EHD3: variants seen among roughly 807,000 people sequenced by gnomAD.
The protein encoded by EHD3 is EH domain containing 3.
In EHD3, 17 loss-of-function variants were observed where a neutral mutation model predicts 43.0. The observed-to-expected ratio is 0.40, with a 90% CI of 0.27 to 0.59. The LOEUF is 0.59. Among genes scored for constraint, EHD3 ranks in the 20% least tolerant of loss-of-function variants. The pLI, the probability that EHD3 is intolerant of heterozygous loss-of-function variation, is 0.49. For missense variants in EHD3, 594 were observed against 705.6 expected (o/e 0.84, Z 1.79); for synonymous variants, 313 against 289.5 (o/e 1.08, Z -0.82).
At chr2:31,247,764 C>T (rs1000933411) in intron 2 of EHD3, among the ~76,000 whole-genome samples, 11 of 152,144 alleles carry the variant, frequency 7.2e-5, no homozygotes, top group African/African-American at 2.2e-4. Context: ...GCAGGCCTGA[C>T]GAGGCCTTTG....
intron 3 of EHD3, among the ~76,000 whole-genome samples, chr2:31,258,975 T>A (rs72861152): frequency 6.6e-6 from 1 of 152,222 alleles, no homozygotes; most frequent in Non-Finnish European, 1.5e-5. Flanking sequence ...TAAGTCTGAC[T>A]CACTCACAAG....
chr2:31,266,797 C>T lies in EHD3; in HGVS notation c.*93C>T, dbSNP rs546891895. ...ACACACACACACACACACACACAAACATGCACACACACATATGCATATCTT... is the reference window on the plus strand; with the variant it reads ...ACACACACACACACACACACACAAATATGCACACACACATATGCATATCTT... On this transcript the variant is annotated 3_prime_UTR_variant, in exon 6 of 6. Transcript: ENST00000322054. This position sits in a 1 kb window ranked among gnomAD's most constrained non-coding sequence, Gnocchi z 5.1. 1.2e-3 allele frequency: 1,562 copies of T among 1,323,960 alleles called. 12 individuals carry two copies. In the African/African-American group the frequency reaches 0.019, roughly 16 times the overall value. 82.0% of individuals were successfully genotyped at this position (1,323,960 alleles called of 1,614,324 possible). A position where few individuals can be genotyped will look rare whatever the true frequency, so the allele number is the denominator to read the frequency against.
chr2:31,235,269 G>A (rs2148714246), intron 1 of EHD3, among the ~76,000 whole-genome samples: 1 of 152,160 alleles, frequency 6.6e-6, no homozygotes, highest in South Asian at 2.1e-4. Context: ...TGTTTTTCAA[G>A]GGGCTTGGCA....
intron 1 of EHD3, among the ~76,000 whole-genome samples, chr2:31,235,788 G>A (rs1034446244): frequency 1.3e-5 from 2 of 152,166 alleles, no homozygotes; most frequent in Non-Finnish European, 2.9e-5. Context: ...GTCCACCAGA[G>A]GCCCTTCTTA....
At chr2:31,261,025 G>C in intron 4 of EHD3, 103 bp downstream of exon 4, 15 of 1,289,474 alleles carry the variant, frequency 1.2e-5, no homozygotes, top group Non-Finnish European at 1.6e-5. Flanking sequence ...AGTGCATCAT[G>C]TGTGTGACAC....
chr2:31,235,107 A>T (rs1230789416), intron 1 of EHD3, among the ~76,000 whole-genome samples: 2 of 152,120 alleles, frequency 1.3e-5, no homozygotes, highest in Non-Finnish European at 2.9e-5. Flanking sequence ...GTGTAAAGCC[A>T]TTCCCAGTCT....
chr2:31,255,283 GC>G (rs1418173442), intron 3 of EHD3, among the ~76,000 whole-genome samples: 2 of 152,190 alleles, frequency 1.3e-5, no homozygotes, highest in Non-Finnish European at 2.9e-5. Context: ...TGCCGCAGGT[GC>G]CCAAGAGCTA....
intron 1 of EHD3, among the ~76,000 whole-genome samples, chr2:31,239,915 A>G (rs1683387328): frequency 6.6e-6 from 1 of 151,974 alleles, no homozygotes; most frequent in Admixed American, 6.5e-5. Context: ...CACGAAGGGG[A>G]GGGCTGGAGA....
chr2:31,245,123 T>G (rs1486154562), intron 2 of EHD3, among the ~76,000 whole-genome samples: 2 of 152,212 alleles, frequency 1.3e-5, no homozygotes, highest in Non-Finnish European at 1.5e-5. Flanking sequence ...CAGTTTCACA[T>G]GTGCATGGTA....
chr2:31,252,885 T>G (rs1683664825), intron 3 of EHD3, among the ~76,000 whole-genome samples: 1 of 152,134 alleles, frequency 6.6e-6, no homozygotes, highest in Non-Finnish European at 1.5e-5. Context: ...ATGCAGCTGC[T>G]GGCAAAAGCA....
intron 1 of EHD3, among the ~76,000 whole-genome samples, chr2:31,239,278 G>A (rs1275837586): frequency 6.6e-6 from 1 of 152,174 alleles, no homozygotes; most frequent in Admixed American, 6.5e-5. Context: ...CATAGCCCCT[G>A]CACCACCTTC....
chr2:31,252,499 G>A (rs186418889), intron 3 of EHD3, among the ~76,000 whole-genome samples: 3 of 152,194 alleles, frequency 2.0e-5, no homozygotes, highest in East Asian at 1.9e-4. Flanking sequence ...GTTTTGAGAC[G>A]GAGTCTCGCT....
Position 31,252,478 on chromosome 2 carries a change from CTGT to C in EHD3, c.502+3021_502+3023del, listed in dbSNP as rs1330497913. The stretch of plus-strand genomic sequence containing the variant: ...GTTTTTGTTGTTGTTGTTGTTGTTG[CTGT>C]TGTTGTTGTTTTGAGACGGAGTCTC... On this transcript the variant is annotated intron_variant, in intron 3 of 5. Transcript: ENST00000322054. Among the ~76,000 whole-genome samples the C allele has an allele frequency of 6.6e-5, 10 of 151,926 alleles. 1 individual carries two copies. The highest frequency in any genetic ancestry group is 1.3e-4 in the Non-Finnish European group (9 of 67,992).
intron 3 of EHD3, 53 bp downstream of exon 3, chr2:31,249,521 T>C (rs1683593681): frequency 6.5e-7 from 1 of 1,542,988 alleles, no homozygotes; most frequent in African/African-American, 1.4e-5. Flanking sequence ...TTCTGGCACG[T>C]TCAGTCTCTT....
At chr2:31,265,628 GGTTTTT>G (rs1175307079) in intron 5 of EHD3, among the ~76,000 whole-genome samples, 5 of 152,130 alleles carry the variant, frequency 3.3e-5, no homozygotes, top group Non-Finnish European at 7.4e-5. Flanking sequence ...TGCCCTGTTT[GGTTTTT>G]GTTTTTGTTT....
chr2:31,256,506 G>A (rs1169857425), intron 3 of EHD3, among the ~76,000 whole-genome samples: 1 of 152,236 alleles, frequency 6.6e-6, no homozygotes, highest in Non-Finnish European at 1.5e-5. Flanking sequence ...GGGTGCAGGG[G>A]AAGCCCAGAA....
Position 31,249,464 on chromosome 2 carries a change from C to G in EHD3, c.498C>G (p.Ser166Arg). 1 of 1,614,012 alleles carries G rather than the reference C, an allele frequency of 6.2e-7. No homozygotes were observed. Among genetic ancestry groups the G allele is most frequent in the Non-Finnish European group, 8.5e-7 (1 of 1,179,940 alleles). ...GILSGEKQRI[S>R]RGYDFAAVLE... ...TCTCTGGGGAGAAGCAGAGGATCAG[C>G]CGGGGTAAGCAACCTGCCTGAGGGG... The change falls in exon 3 of 6, where the codon AGC becomes AGG. Residue 166 changes from serine to arginine, a missense_variant. Physicochemically the swap from Ser to Arg is moderately radical, Grantham distance 110 (BLOSUM62 -1). Around this residue, in one of 3 missense-constraint regions of EHD3, gnomAD observed 243 missense variants for 296.7 expected, o/e 0.82. Coordinates refer to ENST00000322054, the MANE Select transcript of EHD3 (RefSeq NM_014600.3).
chr2:31,255,304 G>A (rs554368763), intron 3 of EHD3, among the ~76,000 whole-genome samples: 97 of 152,158 alleles, frequency 6.4e-4, no homozygotes, highest in Non-Finnish European at 1.0e-3. Context: ...ACCGTTGTGG[G>A]TCTCAGAGCC....
rs78962598 is a variant in EHD3 at position 31,237,034 on chromosome 2, C to G, written c.227+2186C>G. On this transcript the variant is annotated intron_variant, in intron 1 of 5. Transcript: ENST00000322054. ...TCCATGTGCAGTAGTTCCCTCTCCCCACTCATGTCAGCAACTGAATTTAGC... is the reference window on the plus strand; with the variant it reads ...TCCATGTGCAGTAGTTCCCTCTCCCGACTCATGTCAGCAACTGAATTTAGC... 6.1e-3 allele frequency among the ~76,000 whole-genome samples: 932 copies of G among 152,252 alleles called. 8 individuals carry two copies. Among genetic ancestry groups the G allele is most frequent in the African/African-American group, 0.021 (867 of 41,546 alleles).
Sources: gnomAD v4.1 joint callset for allele counts (sites outside exome capture counted in the v4.1 genomes callset) on GRCh38, gnomAD v4.1.1 for gene constraint, gnomAD v4.1.1 regional missense constraint, Gnocchi (gnomAD v3.1) non-coding constraint, MANE v1.5 for transcripts, NCBI Gene and HGNC (gene_info 2026-07-23, HGNC 2026-07-21) for gene names.